CDC45: variants seen among roughly 807,000 people sequenced by gnomAD.
The protein encoded by CDC45 is cell division cycle 45, also known as cell division control protein 45 homolog.
Under a neutral mutation model 77.8 loss-of-function variants are expected in CDC45, and 54 were observed. The ratio of observed to expected loss-of-function variants is 0.69; its 90% CI spans 0.56 to 0.87. The LOEUF (loss-of-function observed/expected upper bound fraction) is 0.87, where lower values mean the gene tolerates loss of function less well. Ranked by LOEUF, CDC45 falls within the 40% of genes least tolerant of loss-of-function variation. CDC45 has a pLI of 0.00. For synonymous variants in CDC45, 260 were observed against 272.1 expected (o/e 0.96, Z 0.44); for missense variants, 649 against 721.6 (o/e 0.90, Z 1.15).
In CDC45 at chr22:19,499,223, A is replaced by G. The variant is rs1225967293; in HGVS notation, c.704+72A>G. The G allele has an allele frequency of 2.0e-6, 3 of 1,531,108 alleles. No individual in the cohort carries two copies. In the East Asian group the frequency reaches 6.8e-5, roughly 35 times the overall value. 94.8% of individuals were successfully genotyped at this position (1,531,108 alleles called of 1,614,324 possible). ...CCAGGTGCACAGCCTGACCATAGCC[A>G]CTAAGTTTTTAGCAGGGTCCCTGTA... On this transcript the variant is annotated intron_variant, in intron 9 of 18. Transcript: ENST00000263201.
chr22:19,484,700 G>A (rs777276065), intron 5 of CDC45, among the ~76,000 whole-genome samples: 17 of 152,142 alleles, frequency 1.1e-4, no homozygotes, highest in African/African-American at 3.6e-4. Flanking sequence ...GACATTTCCC[G>A]GTAATGTGCT....
chr22:19,513,134 C>G (rs2283655), intron 13 of CDC45, among the ~76,000 whole-genome samples: 54,808 of 152,132 alleles, frequency 0.36, 11,823 homozygotes, highest in Non-Finnish European at 0.48. Context: ...TAGACCCCAC[C>G]TCGAAGATCT....
intron 3 of CDC45, among the ~76,000 whole-genome samples, chr22:19,481,609 GA>G (rs1339262928): frequency 6.6e-6 from 1 of 151,926 alleles, no homozygotes; most frequent in East Asian, 1.9e-4. Flanking sequence ...TTGATCTCCT[GA>G]CTTTGTGATC....
chr22:19,494,700 G>C (rs1426712298), intron 6 of CDC45: 8 of 883,332 alleles, frequency 9.1e-6, no homozygotes, highest in South Asian at 1.5e-5. Flanking sequence ...TATAAGAAGT[G>C]CTCTAAAATG....
At chr22:19,497,280 G>T (rs560958922) in intron 7 of CDC45, 106 bp from the exon 8 acceptor site, 7 of 958,872 alleles carry the variant, frequency 7.3e-6, no homozygotes, top group East Asian at 4.8e-5. Flanking sequence ...CCCTCCATCC[G>T]CAGGGGTTTG....
Position 19,483,897 on chromosome 22 carries a change from A to G in CDC45, c.378A>G (p.Glu126=). 1 of 1,612,966 alleles carries G rather than the reference A, an allele frequency of 6.2e-7. No homozygotes were observed. Among genetic ancestry groups the G allele is most frequent in the Non-Finnish European group, 8.5e-7 (1 of 1,179,710 alleles). Residue 126 remains glutamate, a synonymous_variant, in exon 5 of 19, where the codon GAA becomes GAG. Coordinates refer to ENST00000263201, the MANE Select transcript of CDC45 (RefSeq NM_003504.5). ...TCATTAAACAAGATGATGACCTTGA[A>G]GTTCCCGCCTATGAAGACATCTTCA... ...KLLIKQDDDL[E]VPAYEDIFRD...
At chr22:19,517,078 C>T (rs1329386001) in intron 17 of CDC45, among the ~76,000 whole-genome samples, 185 bp downstream of exon 17, 1 of 152,252 alleles carries the variant, frequency 6.6e-6, no homozygotes, top group Non-Finnish European at 1.5e-5. Flanking sequence ...CCTCAGGCCC[C>T]TGAGAGGGAA....
In CDC45 at chr22:19,480,031, T is replaced by C. The variant is rs1349403416; in HGVS notation, c.51+12T>C. On this transcript the variant is annotated intron_variant, in intron 1 of 18. Transcript: ENST00000263201. ...TGGTCCAGAGCCAGGTGACGCCCAG[T>C]CCGGGACCCCCGCCGAGGCCTTGCC... 6.2e-7 allele frequency: 1 copy of C among 1,613,658 alleles called. No individual in the cohort carries two copies. Among genetic ancestry groups the C allele is most frequent in the Admixed American group, 1.7e-5 (1 of 59,996 alleles).
chr22:19,513,720 A>G lies in CDC45; in HGVS notation c.1218-1029A>G, dbSNP rs557737619. On this transcript the variant is annotated intron_variant, in intron 13 of 18. Coordinates refer to ENST00000263201, the MANE Select transcript of CDC45 (RefSeq NM_003504.5). ...CAGTTCTTAAGTAACATTCAAAGAA[A>G]GGGCGCATGTGAGATAAACTTTCTG... 4.6e-5 allele frequency among the ~76,000 whole-genome samples: 7 copies of G among 152,354 alleles called. No homozygotes were observed. The East Asian group carries it at 1.3e-3, about 29-fold the overall frequency.
intron 6 of CDC45, among the ~76,000 whole-genome samples, chr22:19,494,808 T>C (rs1601944453): frequency 6.6e-6 from 1 of 152,088 alleles, no homozygotes; most frequent in African/African-American, 2.4e-5. Context: ...TCATGGAAGG[T>C]CTCCCAGGCC....
Position 19,515,063 on chromosome 22 carries a change from G to C in CDC45, c.1440+15G>C. On this transcript the variant is annotated intron_variant, in intron 15 of 18. Transcript: ENST00000263201. ...TTGTGTGTTCGGTGAGGGGCCAGGC[G>C]GGTGCTGTGGGTACAGGAGGGCAGG... 6.3e-7 allele frequency: 1 copy of C among 1,582,740 alleles called. No homozygotes were observed. Among genetic ancestry groups the C allele is most frequent in the African/African-American group, 1.3e-5 (1 of 74,574 alleles).
chr22:19,495,940 T>G (rs758391220), intron 6 of CDC45, 41 bp from the exon 7 acceptor site: 15 of 1,472,168 alleles, frequency 1.0e-5, no homozygotes, highest in Admixed American at 1.0e-4. Context: ...CTTCCTGTAC[T>G]GCTACTTCCT....
intron 17 of CDC45, among the ~76,000 whole-genome samples, chr22:19,517,468 G>C (rs144397208): frequency 8.7e-4 from 133 of 152,342 alleles, no homozygotes; most frequent in African/African-American, 2.2e-3. Flanking sequence ...CTGTGTTGGC[G>C]TTCTTATTAT....
At position 19,507,464 on chromosome 22, in the gene CDC45, G is replaced by C. The variant is rs759373777; in HGVS notation, c.903G>C (p.Lys301Asn). Residue 301 changes from lysine (K) to asparagine (N), a missense_variant, in exon 11 of 19, where the codon AAG becomes AAC. Coordinates refer to ENST00000263201, the MANE Select transcript of CDC45 (RefSeq NM_003504.5). ...CCAGCTATACCGCAGCCAGGTTCAA[G>C]CTGTGGTCTGTGCATGGACAGAAGC... Reference protein sequence around the residue: ...CNTSYTAARFKLWSVHGQKRL... With the variant: ...CNTSYTAARFNLWSVHGQKRL... 1 of 1,614,094 alleles carries C rather than the reference G, an allele frequency of 6.2e-7. No individual in the cohort carries two copies. Among genetic ancestry groups the C allele is most frequent in the Non-Finnish European group, 8.5e-7 (1 of 1,180,054 alleles).
Position 19,482,566 on chromosome 22 carries a change from C to A in CDC45, c.205-124C>A, listed in dbSNP as rs2089999666. 1.2e-5 allele frequency: 12 copies of A among 1,032,220 alleles called. No individual in the cohort carries two copies. In the South Asian group the frequency reaches 1.9e-4, roughly 16 times the overall value. 63.9% of individuals were successfully genotyped at this position (1,032,220 alleles called of 1,614,324 possible). ...CCTGGCCATTTTTTGGAGTCCCTTG[C>A]CACGTGGGCCTCGCCACATGTCAGG... On this transcript the variant is annotated intron_variant, in intron 3 of 18. Coordinates refer to ENST00000263201, the MANE Select transcript of CDC45 (RefSeq NM_003504.5).
chr22:19,512,903 G>A (rs1472739581), intron 13 of CDC45, among the ~76,000 whole-genome samples: 1 of 152,182 alleles, frequency 6.6e-6, no homozygotes, highest in Admixed American at 6.5e-5. Context: ...TCTGCATCTG[G>A]TGAGGGCCTC....
intron 9 of CDC45, chr22:19,505,036 C>G (rs1365020797): frequency 3.0e-6 from 1 of 332,070 alleles, no homozygotes; most frequent in African/African-American, 2.1e-5. Flanking sequence ...TTCACCCACT[C>G]TGCTGTGGAT....
At chr22:19,482,550 T>G in intron 3 of CDC45, 140 bp from the exon 4 acceptor site, 5 of 828,712 alleles carry the variant, frequency 6.0e-6, no homozygotes, top group Non-Finnish European at 9.2e-6. Context: ...GCCTGGCCAT[T>G]TTTTGGAGTC....
chr22:19,496,055 T>G (rs1336237118), intron 7 of CDC45, 26 bp downstream of exon 7: 3 of 1,523,480 alleles, frequency 2.0e-6, no homozygotes, highest in African/African-American at 1.4e-5. Flanking sequence ...TGGAACTCAC[T>G]ATAAAGTTCT....
Sources: allele counts gnomAD v4.1 joint callset (sites outside exome capture counted in the v4.1 genomes callset), GRCh38; gene constraint gnomAD v4.1.1; transcripts MANE v1.5; gene names NCBI Gene and HGNC (gene_info 2026-07-23, HGNC 2026-07-21).